SCAND3: variants seen among roughly 807,000 people sequenced by gnomAD.
SCAND3 encodes the protein SCAN domain containing 3.
the SCAND3 span, among the ~76,000 whole-genome samples, chr6:28,579,885 A>G: frequency 1.1e-4 from 17 of 152,268 alleles, no homozygotes; most frequent in East Asian, 3.1e-3. This position sits in a 1 kb window ranked among gnomAD's most constrained non-coding sequence, Gnocchi z 4.5. Flanking sequence ...TGTCTCTACT[A>G]TTAATAATGC....
chr6:28,609,336 T>C, the SCAND3 span, among the ~76,000 whole-genome samples: 2 of 152,132 alleles, frequency 1.3e-5, no homozygotes, highest in Non-Finnish European at 2.9e-5. Context: ...TATACACTCA[T>C]ACACACACAC....
At chr6:28,596,951 T>G in the SCAND3 span, among the ~76,000 whole-genome samples, 32 of 152,230 alleles carry the variant, frequency 2.1e-4, no homozygotes, top group Non-Finnish European at 3.2e-4. Context: ...TGTGGATGAT[T>G]TTTATCATTT....
the SCAND3 span, among the ~76,000 whole-genome samples, chr6:28,600,612 G>A: frequency 1.3e-5 from 2 of 152,134 alleles, no homozygotes; most frequent in Admixed American, 6.5e-5. Flanking sequence ...GGGTGACAAA[G>A]TGAGACTCTG....
the SCAND3 span, chr6:28,576,231 T>C: frequency 1.0e-4 from 93 of 926,872 alleles, no homozygotes; most frequent in African/African-American, 7.3e-4. Context: ...GAGGTAGAAG[T>C]AGGGAATATG....
the SCAND3 span, among the ~76,000 whole-genome samples, chr6:28,612,104 T>C: frequency 1.3e-4 from 20 of 152,068 alleles, no homozygotes; most frequent in African/African-American, 4.6e-4. Flanking sequence ...TGGCGCGATC[T>C]CAGCTCACTG....
the SCAND3 span, chr6:28,586,603 C>T: frequency 1.2e-6 from 2 of 1,614,090 alleles, no homozygotes; most frequent in Admixed American, 1.7e-5. This position sits in a 1 kb window ranked among gnomAD's most constrained non-coding sequence, Gnocchi z 4.4. Flanking sequence ...CTACGTAGGG[C>T]TGATTCCTGA....
At chr6:28,576,070 G>A in the SCAND3 span, 1 of 1,613,176 alleles carries the variant, frequency 6.2e-7, no homozygotes, top group Non-Finnish European at 8.5e-7. Flanking sequence ...TGCTTCATTA[G>A]TATCTAAGCT....
chr6:28,574,565 T>C, the SCAND3 span: 6 of 1,291,560 alleles, frequency 4.6e-6, no homozygotes, highest in East Asian at 1.2e-4. Context: ...TCATATACCT[T>C]GTCACACAAC....
the SCAND3 span, among the ~76,000 whole-genome samples, chr6:28,604,223 G>A: frequency 2.6e-5 from 4 of 152,160 alleles, no homozygotes; most frequent in African/African-American, 7.2e-5. Context: ...CATGTTCCAT[G>A]TTCTTAACTA....
the SCAND3 span, chr6:28,572,387 C>G: frequency 6.2e-7 from 1 of 1,612,960 alleles, no homozygotes; most frequent in Non-Finnish European, 8.5e-7. The surrounding 1 kb of genome is among the most constrained non-coding windows in gnomAD (Gnocchi z 4.1). Flanking sequence ...ATATCAAGAT[C>G]ATTACCTACT....
chr6:28,573,303 C>G, the SCAND3 span: 1 of 1,614,116 alleles, frequency 6.2e-7, no homozygotes, highest in South Asian at 1.1e-5. Context: ...GAGCTACCTT[C>G]TTTGCTGCAG....
At chr6:28,572,770 G>A in the SCAND3 span, 1 of 1,613,806 alleles carries the variant, frequency 6.2e-7, no homozygotes, top group Non-Finnish European at 8.5e-7. This position sits in a 1 kb window ranked among gnomAD's most constrained non-coding sequence, Gnocchi z 4.1. Context: ...ACATAATAAA[G>A]AGAATAATCT....
chr6:28,603,466 A>T, the SCAND3 span, among the ~76,000 whole-genome samples: 9,475 of 152,158 alleles, frequency 0.062, 344 homozygotes, highest in African/African-American at 0.077. Flanking sequence ...CTGATTTGAG[A>T]CATCCTCTTA....
the SCAND3 span, among the ~76,000 whole-genome samples, chr6:28,601,810 C>T: frequency 2.0e-5 from 3 of 152,276 alleles, no homozygotes; most frequent in East Asian, 3.9e-4. Flanking sequence ...TGGATCACTG[C>T]GCCCAGGCAG....
chr6:28,575,263 T>A, the SCAND3 span: 1 of 1,614,066 alleles, frequency 6.2e-7, no homozygotes, highest in Middle Eastern at 1.6e-4. This position sits in a 1 kb window ranked among gnomAD's most constrained non-coding sequence, Gnocchi z 4.2. Flanking sequence ...GAAAATCCTC[T>A]TTCGGATATC....
At chr6:28,611,056 A>G in the SCAND3 span, among the ~76,000 whole-genome samples, 17 of 152,358 alleles carry the variant, frequency 1.1e-4, no homozygotes, top group African/African-American at 3.1e-4. Context: ...TAATTACTTC[A>G]TGTATTCCTA....
the SCAND3 span, chr6:28,571,896 C>A: frequency 6.2e-7 from 1 of 1,606,714 alleles, no homozygotes; most frequent in Admixed American, 1.7e-5. Context: ...CCTTACATAT[C>A]AATATTTAAA....
chr6:28,590,262 G>A, the SCAND3 span: 19 of 152,436 alleles, frequency 1.2e-4, 1 homozygote, highest in African/African-American at 4.3e-4. Context: ...TCAGCTCCTA[G>A]TACCAGGGTG....
At chr6:28,575,664 G>C in the SCAND3 span, 1 of 1,614,014 alleles carries the variant, frequency 6.2e-7, no homozygotes, top group Non-Finnish European at 8.5e-7. This position sits in a 1 kb window ranked among gnomAD's most constrained non-coding sequence, Gnocchi z 4.2. Flanking sequence ...GTTTACAGAG[G>C]GTCAGATACA....
Sources: allele counts gnomAD v4.1 joint callset (sites outside exome capture counted in the v4.1 genomes callset), GRCh38; gene constraint gnomAD v4.1.1; non-coding constraint Gnocchi (gnomAD v3.1); transcripts MANE v1.5; gene names NCBI Gene and HGNC (gene_info 2026-07-23, HGNC 2026-07-21).